EPHA6: variants seen among roughly 807,000 people sequenced by gnomAD.
The protein encoded by EPHA6 is EPH receptor A6.
EPHA6 carries 50 observed loss-of-function variants against 112.0 expected under a neutral mutation model. The observed-to-expected ratio is 0.45, with a 90% CI of 0.36 to 0.56. The LOEUF (loss-of-function observed/expected upper bound fraction) is 0.56, where lower values mean the gene tolerates loss of function less well. EPHA6 is among the 20% of genes least tolerant of loss of function. The pLI is 0.00. For missense variants in EPHA6, 1,280 were observed against 1,417.4 expected (o/e 0.90, Z 1.56); for synonymous variants, 529 against 490.7 (o/e 1.08, Z -1.03).
intron 11 of EPHA6, among the ~76,000 whole-genome samples, chr3:97,555,051 G>A (rs2107116734): frequency 6.6e-6 from 1 of 151,986 alleles, no homozygotes; most frequent in South Asian, 2.1e-4. Flanking sequence ...TTTAGCATTA[G>A]GTATATCTCC....
At chr3:97,444,797 T>A (rs9856233) in intron 6 of EPHA6, among the ~76,000 whole-genome samples, 7,087 of 152,226 alleles carry the variant, frequency 0.047, 500 homozygotes, top group African/African-American at 0.15. Context: ...GCTAACAGGT[T>A]CCAGACTCTA....
chr3:96,928,913 C>A (rs2040176316), intron 2 of EPHA6, among the ~76,000 whole-genome samples: 1 of 152,018 alleles, frequency 6.6e-6, no homozygotes, highest in African/African-American at 2.4e-5. Flanking sequence ...GGTTTAAAGT[C>A]TTTTGTCAAA....
intron 2 of EPHA6, among the ~76,000 whole-genome samples, chr3:96,930,892 C>T (rs563011339): frequency 2.8e-5 from 4 of 143,878 alleles, no homozygotes; most frequent in Non-Finnish European, 4.5e-5. Flanking sequence ...TTCAGTGGAC[C>T]GAGACAGGAG....
chr3:97,580,746 G>A (rs2107282342), intron 11 of EPHA6, among the ~76,000 whole-genome samples: 1 of 152,286 alleles, frequency 6.6e-6, no homozygotes, highest in Admixed American at 6.5e-5. Context: ...AGGAATGAGT[G>A]TTGTCTCATA....
At chr3:97,535,916 C>T (rs1441890270) in intron 11 of EPHA6, among the ~76,000 whole-genome samples, 1 of 152,038 alleles carries the variant, frequency 6.6e-6, no homozygotes, top group Non-Finnish European at 1.5e-5. Flanking sequence ...CACTTTGGCT[C>T]TCTTTCATAT....
intron 3 of EPHA6, among the ~76,000 whole-genome samples, chr3:97,034,910 A>G (rs1309786353): frequency 1.1e-4 from 17 of 151,966 alleles, no homozygotes; most frequent in Admixed American, 1.1e-3. Context: ...AACTTCCTTT[A>G]TCATTATACT....
intron 5 of EPHA6, among the ~76,000 whole-genome samples, chr3:97,338,328 T>C (rs1295378038): frequency 6.6e-6 from 1 of 152,144 alleles, no homozygotes; most frequent in Non-Finnish European, 1.5e-5. Context: ...GCCTGTAATG[T>C]ATATTGCCCC....
chr3:96,944,962 C>T (rs1325466486), intron 2 of EPHA6, among the ~76,000 whole-genome samples: 1 of 152,032 alleles, frequency 6.6e-6, no homozygotes, highest in Non-Finnish European at 1.5e-5. Flanking sequence ...ACAACAAAAA[C>T]AAAAACTGAA....
chr3:97,413,548 C>T (rs189271995), intron 6 of EPHA6, among the ~76,000 whole-genome samples: 16 of 152,050 alleles, frequency 1.1e-4, no homozygotes, highest in African/African-American at 3.6e-4. Flanking sequence ...AGTAAATCTA[C>T]ATTTTACATA....
intron 3 of EPHA6, among the ~76,000 whole-genome samples, chr3:97,110,762 C>G (rs1007598972): frequency 2.0e-5 from 3 of 152,032 alleles, no homozygotes; most frequent in Non-Finnish European, 4.4e-5. Flanking sequence ...CTCCTCACCT[C>G]AAGTGATCCA....
At chr3:97,576,819 A>G (rs1170327234) in intron 11 of EPHA6, among the ~76,000 whole-genome samples, 1 of 152,198 alleles carries the variant, frequency 6.6e-6, no homozygotes, top group Non-Finnish European at 1.5e-5. Flanking sequence ...ATAAGACAAA[A>G]AAAAATGAAC....
At chr3:97,434,771 A>G (rs1177462013) in intron 6 of EPHA6, among the ~76,000 whole-genome samples, 1 of 152,064 alleles carries the variant, frequency 6.6e-6, no homozygotes, top group Non-Finnish European at 1.5e-5. Flanking sequence ...TCTGCTTCAC[A>G]ATCTGGACCT....
chr3:97,486,635 C>G (rs2091706285), intron 10 of EPHA6, among the ~76,000 whole-genome samples: 1 of 152,068 alleles, frequency 6.6e-6, no homozygotes, highest in East Asian at 1.9e-4. Context: ...TTAATCCAGT[C>G]ATGAGGGCTG....
At chr3:97,001,910 A>T (rs1466686556) in intron 3 of EPHA6, among the ~76,000 whole-genome samples, 1 of 152,066 alleles carries the variant, frequency 6.6e-6, no homozygotes, top group Non-Finnish European at 1.5e-5. Flanking sequence ...GACTGCCATA[A>T]AAAGTGATGA....
intron 1 of EPHA6, among the ~76,000 whole-genome samples, chr3:96,857,679 C>T (rs1204376084): frequency 1.3e-5 from 2 of 151,068 alleles, no homozygotes; most frequent in East Asian, 1.9e-4. Flanking sequence ...CACATTTTTC[C>T]TGCCCATTTC....
At chr3:97,384,755 CT>C (rs947845582) in intron 5 of EPHA6, among the ~76,000 whole-genome samples, 2 of 151,926 alleles carry the variant, frequency 1.3e-5, no homozygotes, top group Non-Finnish European at 2.9e-5. Context: ...CTATTTCCCC[CT>C]TTTTTGATAT....
chr3:97,023,868 A>G (rs1356503221), intron 3 of EPHA6, among the ~76,000 whole-genome samples: 1 of 152,220 alleles, frequency 6.6e-6, no homozygotes, highest in African/African-American at 2.4e-5. Flanking sequence ...TTTACACTTC[A>G]TACTCTGAAA....
At chr3:97,660,588 C>A (rs765494890) in intron 14 of EPHA6, among the ~76,000 whole-genome samples, 4 of 151,968 alleles carry the variant, frequency 2.6e-5, no homozygotes, top group Admixed American at 2.6e-4. Flanking sequence ...CAGAAATATG[C>A]CTCATTAAAA....
chr3:97,758,819 A>AG lies in EPHA6; in HGVS notation c.*10123dup, dbSNP rs1352883513. On this transcript the variant is annotated 3_prime_UTR_variant, in exon 18 of 18. Coordinates refer to ENST00000389672, the MANE Select transcript of EPHA6 (RefSeq NM_001080448.3). Reference sequence around the variant, plus strand: ...ATTTAATGAATGAAATTACAAGCAGAGGGGGATAGTTAATGAATGAAAATT... The same window carrying AG: ...ATTTAATGAATGAAATTACAAGCAGAGGGGGGATAGTTAATGAATGAAAATT... Among the ~76,000 whole-genome samples, 2 of 151,858 alleles carry AG rather than the reference A, an allele frequency of 1.3e-5. No homozygotes were observed. Among genetic ancestry groups the AG allele is most frequent in the Non-Finnish European group, 2.9e-5 (2 of 67,858 alleles).
Sources: allele counts gnomAD v4.1 joint callset (sites outside exome capture counted in the v4.1 genomes callset), GRCh38; gene constraint gnomAD v4.1.1; transcripts MANE v1.5; gene names NCBI Gene and HGNC (gene_info 2026-07-23, HGNC 2026-07-21).